The following CLCNKB variants were observed in gnomAD, a reference collection of about 807,000 sequenced individuals.
CLCNKB encodes the protein chloride channel protein ClC-Kb.
Under a neutral mutation model 83.8 loss-of-function variants are expected in CLCNKB, and 74 were observed. That is an observed-to-expected ratio of 0.88 (90% CI 0.73 to 1.07). CLCNKB has a LOEUF of 1.07. Ranked by LOEUF, CLCNKB falls within the 50% of genes least tolerant of loss-of-function variation. The probability of loss-of-function intolerance (pLI) is 0.00; values close to 1 mark genes in which losing one functional copy is unlikely to be tolerated. For missense variants in CLCNKB, 798 were observed against 893.6 expected (o/e 0.89, Z 1.36); for synonymous variants, 358 against 356.6 (o/e 1.00, Z -0.04).
intron 11 of CLCNKB, 33 bp downstream of exon 11, chr1:16,050,633 G>A (rs1425278505): frequency 3.1e-6 from 5 of 1,604,952 alleles, no homozygotes; most frequent in Non-Finnish European, 3.4e-6. Context: ...GCAGGAGTGG[G>A]GAAGCCCTAT....
intron 15 of CLCNKB, 92 bp from the exon 16 acceptor site, chr1:16,053,547 C>G: frequency 6.3e-7 from 1 of 1,590,958 alleles, no homozygotes; most frequent in Non-Finnish European, 8.6e-7. Context: ...CCGTGGGTCC[C>G]CGGTTCAAGC....
Position 16,051,706 on chromosome 1 carries a change from C to T in CLCNKB, c.1298-4C>T. On this transcript the variant is annotated splice_polypyrimidine_tract_variant and splice_region_variant and intron_variant, in intron 13 of 19. Transcript: ENST00000375679. The stretch of plus-strand genomic sequence containing the variant: ...GCTCCCCCTCACCCTAAGTCTGTGG[C>T]CAGGAGCTGCTATCGGGCGCCTCTT... The T allele has an allele frequency of 6.2e-7, 1 of 1,613,248 alleles. No homozygotes were observed.
intron 1 of CLCNKB, 103 bp from the exon 2 acceptor site, chr1:16,044,383 A>ACACACACACAC: frequency 1.2e-5 from 10 of 851,842 alleles, no homozygotes; most frequent in Non-Finnish European, 1.2e-5. Context: ...ACACACGCAC[A>ACACACACACAC]ATCTTTCCTC....
chr1:16,048,728 C>T, intron 7 of CLCNKB, 146 bp downstream of exon 7: 1 of 1,476,782 alleles, frequency 6.8e-7, no homozygotes, highest in Non-Finnish European at 9.0e-7. Context: ...ACAGCCACCG[C>T]CCCCCACCGG....
Position 16,052,260 on chromosome 1 carries a change from G to A in CLCNKB, c.1471G>A (p.Val491Met), listed in dbSNP as rs773629445. Reference sequence around the variant, plus strand: ...CTCCACGGCGCTGCTGGCCTTCGAGGTGACCGGCCAGATAGTGCATGCACT... The same window carrying A: ...CTCCACGGCGCTGCTGGCCTTCGAGATGACCGGCCAGATAGTGCATGCACT... ...TISTALLAFE[V>M]TGQIVHALPV... The change falls in exon 15 of 20, where the codon GTG becomes ATG. Residue 491 changes from valine to methionine, a missense_variant. Val to Met is a conservative substitution (Grantham distance 21). Transcript: ENST00000375679. The A allele has an allele frequency of 8.7e-6, 14 of 1,613,202 alleles. No homozygotes were observed. The highest frequency in any genetic ancestry group is 1.1e-5 in the Non-Finnish European group (13 of 1,180,046).
chr1:16,048,062 G>T lies in CLCNKB; in HGVS notation c.498+18G>T, dbSNP rs1390446978. 1 of 1,609,766 alleles carries T rather than the reference G, an allele frequency of 6.2e-7. No homozygotes were observed. Among genetic ancestry groups the T allele is most frequent in the Non-Finnish European group, 8.5e-7 (1 of 1,177,340 alleles). On this transcript the variant is annotated intron_variant, in intron 5 of 19. Transcript: ENST00000375679. The stretch of plus-strand genomic sequence containing the variant: ...GGAAAGTGGTATGGGCAGGGGTGAG[G>T]GCATCCCAACCACCCTACCCACCCC...
Position 16,051,806 on chromosome 1 carries a change from G to T in CLCNKB, c.1394G>T (p.Gly465Val), listed in dbSNP as rs757710314. 2 of 1,612,224 alleles carry T rather than the reference G, an allele frequency of 1.2e-6. No individual in the cohort carries two copies. The highest frequency in any genetic ancestry group is 1.3e-5 in the African/African-American group (1 of 74,982). ...ATCACCAATCCCATCATGCCAGGGG[G>T]GTATGCTCTGGCAGGTGAGTGGGTC... ...GGITNPIMPGGYALAGAAAFS... is the reference protein window; with the variant it reads ...GGITNPIMPGVYALAGAAAFS... The change falls in exon 14 of 20, where the codon GGG becomes GTG. Residue 465 changes from glycine (G) to valine (V), a missense_variant. Coordinates refer to ENST00000375679, the MANE Select transcript of CLCNKB (RefSeq NM_000085.5).
chr1:16,056,394 C>T (rs747507147), intron 18 of CLCNKB, 28 bp from the exon 19 acceptor site: 1 of 1,611,720 alleles, frequency 6.2e-7, no homozygotes. Context: ...CTTCTACCCT[C>T]CAGTGTTTCC....
intron 10 of CLCNKB, 127 bp downstream of exon 10, chr1:16,050,043 G>A: frequency 6.2e-6 from 1 of 161,980 alleles, no homozygotes; most frequent in Non-Finnish European, 1.1e-5. Flanking sequence ...TGCCCCACAT[G>A]TGGAGCCCCT....
At chr1:16,056,048 G>A (rs1391092076) in intron 18 of CLCNKB, among the ~76,000 whole-genome samples, 3 of 152,218 alleles carry the variant, frequency 2.0e-5, no homozygotes, top group Admixed American at 2.0e-4. Flanking sequence ...CAAGGCACAC[G>A]TGCGCTTCAA....
intron 1 of CLCNKB, 140 bp from the exon 2 acceptor site, chr1:16,044,346 T>C: frequency 1.0e-5 from 3 of 296,476 alleles, no homozygotes; most frequent in South Asian, 4.3e-5. Context: ...CCTAGTGTGA[T>C]AACTTCACAT....
intron 19 of CLCNKB, 71 bp from the exon 20 acceptor site, chr1:16,056,797 CA>C (rs2023457225): frequency 4.5e-6 from 5 of 1,105,320 alleles, no homozygotes; most frequent in Admixed American, 1.8e-5. Flanking sequence ...TTAGGGGAAC[CA>C]AAAATGCTGG....
rs1156948770 is a variant in CLCNKB at position 16,044,609 on chromosome 1, C to T, written c.100+17C>T. ...GCATCCGAGGTGAGAGCCAGGTCCT[C>T]TTCCCTTCCCCCTGGAGGACCACTC... On this transcript the variant is annotated intron_variant, in intron 2 of 19. Transcript: ENST00000375679. 6 of 1,578,310 alleles carry T rather than the reference C, an allele frequency of 3.8e-6. No homozygotes were observed. Among genetic ancestry groups the T allele is most frequent in the Non-Finnish European group, 5.2e-6 (6 of 1,160,422 alleles).
intron 4 of CLCNKB, among the ~76,000 whole-genome samples, chr1:16,047,609 C>T (rs1260450064): frequency 1.3e-5 from 2 of 152,236 alleles, no homozygotes; most frequent in Middle Eastern, 3.4e-3. Context: ...GACTCCATCT[C>T]TTTAGAAAAA....
rs1417625327 is a variant in CLCNKB at position 16,046,605 on chromosome 1, T to A, written c.300T>A (p.Pro100=). The part of the protein sequence containing the change: ...LLRYLSWTVY[P]VALVSFSSGF... The stretch of plus-strand genomic sequence containing the variant: ...GGTATCTCTCCTGGACTGTGTACCC[T>A]GTGGCCCTCGTCTCTTTCTCTTCAG... Residue 100 remains proline (P), a synonymous_variant, in exon 4 of 20, where the codon CCT becomes CCA. Coordinates refer to ENST00000375679, the MANE Select transcript of CLCNKB (RefSeq NM_000085.5). 3 of 1,614,176 alleles carry A rather than the reference T, an allele frequency of 1.9e-6. No individual in the cohort carries two copies. Among genetic ancestry groups the A allele is most frequent in the Admixed American group, 3.3e-5 (2 of 60,022 alleles).
At position 16,052,311 on chromosome 1, in the gene CLCNKB, G is replaced by A; in HGVS notation, c.1522G>A (p.Ala508Thr). 1 of 1,613,160 alleles carries A rather than the reference G, an allele frequency of 6.2e-7. No homozygotes were observed. The highest frequency in any genetic ancestry group is 1.1e-5 in the South Asian group (1 of 91,084). Residue 508 changes from alanine (A) to threonine (T), a missense_variant, in exon 15 of 20, where the codon GCC becomes ACC. Transcript: ENST00000375679. ...GCCCGTGCTGATGGCGGTGCTGGCA[G>A]CCAACGCCATTGCACAGAGCTGCCA... ...ALPVLMAVLAANAIAQSCQPS... is the reference protein window; with the variant it reads ...ALPVLMAVLATNAIAQSCQPS...
In CLCNKB at chr1:16,052,113, G is replaced by T. The variant is rs2023312679; in HGVS notation, c.1409-85G>T. The T allele has an allele frequency of 3.3e-6, 5 of 1,536,554 alleles. No individual in the cohort carries two copies. The Admixed American group carries it at 8.5e-5, about 26-fold the overall frequency. The stretch of plus-strand genomic sequence containing the variant: ...GTGGCCTCTTACAAATCACACCTTA[G>T]CCCCTGGTCGCAGCCGTGCCAGCCT... On this transcript the variant is annotated intron_variant, in intron 14 of 19. Coordinates refer to ENST00000375679, the MANE Select transcript of CLCNKB (RefSeq NM_000085.5).
rs1479664246 is a variant in CLCNKB, at chr1:16,051,032, T to C, written c.1211T>C (p.Phe404Ser). The part of the protein sequence containing the change: ...PRFTIFGTLA[F>S]FLVMKFWMLI... The stretch of plus-strand genomic sequence containing the variant: ...TTCACCATCTTTGGGACCCTTGCCT[T>C]CTTCCTGGTTATGAAGGTGGGCCCC... Residue 404 changes from phenylalanine to serine, a missense_variant, in exon 12 of 20, where the codon TTC becomes TCC. Coordinates refer to ENST00000375679, the MANE Select transcript of CLCNKB (RefSeq NM_000085.5). 6.2e-7 allele frequency: 1 copy of C among 1,614,076 alleles called. No homozygotes were observed. Among genetic ancestry groups the C allele is most frequent in the Non-Finnish European group, 8.5e-7 (1 of 1,180,008 alleles).
chr1:16,051,536 T>A lies in CLCNKB; in HGVS notation c.1286T>A (p.Ile429Asn), dbSNP rs779146330. 2.5e-6 allele frequency: 4 copies of A among 1,614,064 alleles called. No homozygotes were observed. Among genetic ancestry groups the A allele is most frequent in the Non-Finnish European group, 3.4e-6 (4 of 1,179,978 alleles). Reference protein sequence around the residue: ...IPMPAGYFMPIFVYGAAIGRL... With the variant: ...IPMPAGYFMPNFVYGAAIGRL... ...ATGCCTGCCGGGTACTTCATGCCCA[T>A]CTTTGTCTATGGTGAGTCTGGGGTC... The change falls in exon 13 of 20, where the codon ATC (isoleucine) becomes AAC (asparagine). Residue 429 changes from isoleucine to asparagine, a missense_variant. Ile to Asn is a moderately radical substitution (Grantham distance 149). Coordinates refer to ENST00000375679, the MANE Select transcript of CLCNKB (RefSeq NM_000085.5).
Sources: gnomAD v4.1 joint callset for allele counts (sites outside exome capture counted in the v4.1 genomes callset) on GRCh38, gnomAD v4.1.1 for gene constraint, MANE v1.5 for transcripts, NCBI Gene and HGNC (gene_info 2026-07-23, HGNC 2026-07-21) for gene names.